Variants in PEAK1 observed in about 807,000 individuals in gnomAD.
The protein encoded by PEAK1 is inactive tyrosine-protein kinase PEAK1.
A neutral mutation model predicts 124.7 loss-of-function variants in PEAK1; 54 were observed. The observed-to-expected ratio is 0.43, with a 90% confidence interval of 0.35 to 0.54. The LOEUF is 0.54. PEAK1 is among the 20% of genes least tolerant of loss of function. PEAK1 has a pLI of 0.01. For synonymous variants in PEAK1, 719 were observed against 760.0 expected, an observed-to-expected ratio of 0.95 and a Z score of 0.89; for missense variants, 2,046 against 2,134.5, an observed-to-expected ratio of 0.96 and a Z score of 0.82.
Position 77,182,020 on chromosome 15 carries a change from G to A in PEAK1, c.-94C>T, listed in dbSNP as rs912193296. The stretch of plus-strand genomic sequence containing the variant: ...TTCACTTCCCCTATGTGTTACAGCA[G>A]CTCTTCTAAGAATGATCAATCTGTG... On this transcript the variant is annotated 5_prime_UTR_variant, in exon 7 of 10. Coordinates refer to ENST00000682557, the MANE Select transcript of PEAK1 (RefSeq NM_001385026.1). The A allele has an allele frequency of 1.4e-6, 2 of 1,479,142 alleles. No homozygotes were observed. The highest frequency in any genetic ancestry group is 8.9e-7 in the Non-Finnish European group (1 of 1,121,458). 91.6% of individuals were successfully genotyped at this position (1,479,142 alleles called of 1,614,324 possible). A position where few individuals can be genotyped will look rare whatever the true frequency, so the allele number is the denominator to read the frequency against.
intron 6 of PEAK1, among the ~76,000 whole-genome samples, chr15:77,189,715 C>A (rs1182136160): frequency 6.6e-6 from 1 of 152,168 alleles, no homozygotes; most frequent in Non-Finnish European, 1.5e-5. Flanking sequence ...AAGTCAGGAA[C>A]CACTCTGATT....
At chr15:77,252,595 T>C in intron 5 of PEAK1, 69 bp from the exon 6 acceptor site, 1 of 831,374 alleles carries the variant, frequency 1.2e-6, no homozygotes, top group Non-Finnish European at 1.5e-6. Context: ...ACATCTTTTC[T>C]TAGATATTCC....
chr15:77,264,951 C>T (rs1207597712), intron 5 of PEAK1, among the ~76,000 whole-genome samples: 2 of 152,156 alleles, frequency 1.3e-5, no homozygotes, highest in East Asian at 1.9e-4. Flanking sequence ...AATAACACTG[C>T]ATATCTGCAA....
intron 2 of PEAK1, chr15:77,347,299 TAGTA>T: frequency 1.0e-6 from 1 of 984,918 alleles, no homozygotes; most frequent in Non-Finnish European, 1.2e-6. Flanking sequence ...ACTTTTGGAC[TAGTA>T]ATGACCACCA....
rs113818752 is a variant in PEAK1, at chr15:77,267,298, T to G, written c.-274-14772A>C. Among the ~76,000 whole-genome samples the G allele has an allele frequency of 8.5e-3, 1,301 of 152,212 alleles. 20 individuals carry two copies. Among genetic ancestry groups the G allele is most frequent in the African/African-American group, 0.03 (1,243 of 41,534 alleles). ...CCTGCTGGTAGCTGAAGACGAAGGA[T>G]ATAGCCTCTTGAGAGGTCTATGGTC... On this transcript the variant is annotated intron_variant, in intron 5 of 9. Transcript: ENST00000682557.
intron 6 of PEAK1, among the ~76,000 whole-genome samples, chr15:77,209,069 T>C (rs1332491857): frequency 6.6e-6 from 1 of 152,188 alleles, no homozygotes; most frequent in Non-Finnish European, 1.5e-5. Context: ...ATTCAACTAC[T>C]TACTGGCATA....
rs79762405 is a variant in PEAK1 at position 77,216,101 on chromosome 15, A to G, written c.-114-34061T>C. On this transcript the variant is annotated intron_variant, in intron 6 of 9. Transcript: ENST00000682557. ...CAAAATACCTGTTGCAATTCTGATT[A>G]AAACTGCAGTAAATTTATGTCTATT... is the stretch of plus-strand genomic sequence containing the variant. 7.3e-3 allele frequency among the ~76,000 whole-genome samples: 1,108 copies of G among 152,300 alleles called. 15 individuals are homozygous for G. The highest frequency in any genetic ancestry group is 0.025 in the African/African-American group (1,052 of 41,550).
intron 2 of PEAK1, among the ~76,000 whole-genome samples, chr15:77,303,434 A>G (rs1463202693): frequency 6.6e-6 from 1 of 152,130 alleles, no homozygotes; most frequent in African/African-American, 2.4e-5. Flanking sequence ...CAGTGTTTTG[A>G]ATTTCAGCCA....
intron 9 of PEAK1, among the ~76,000 whole-genome samples, chr15:77,119,047 G>GGTGGAATTTACTTATAAA (rs757232136): frequency 6.6e-6 from 1 of 150,912 alleles, no homozygotes; most frequent in Admixed American, 6.6e-5. Flanking sequence ...ACAAAACCAG[G>GGTGGAATTTACTTATAAA]CTGCTGAAGG....
intron 2 of PEAK1, among the ~76,000 whole-genome samples, chr15:77,344,915 A>T (rs1008570810): frequency 1.3e-5 from 2 of 152,208 alleles, no homozygotes; most frequent in Non-Finnish European, 2.9e-5. Flanking sequence ...AACTTCGCTG[A>T]ATTGTTTTAA....
chr15:77,120,671 T>G (rs2051831411), intron 9 of PEAK1, among the ~76,000 whole-genome samples: 1 of 152,218 alleles, frequency 6.6e-6, no homozygotes, highest in Non-Finnish European at 1.5e-5. Context: ...CTCGAATACA[T>G]CTTCCACATG....
intron 7 of PEAK1, 31 bp from the exon 8 acceptor site, chr15:77,158,727 G>C (rs146445487): frequency 1.3e-6 from 2 of 1,596,490 alleles, no homozygotes; most frequent in East Asian, 2.3e-5. Flanking sequence ...TGTCACACTG[G>C]TATTGGAAGG....
chr15:77,227,950 C>T (rs1362602897), intron 6 of PEAK1, among the ~76,000 whole-genome samples: 1 of 151,938 alleles, frequency 6.6e-6, no homozygotes, highest in Non-Finnish European at 1.5e-5. Context: ...GAGGTATGAT[C>T]ACATCACTGC....
chr15:77,351,802 A>G (rs2067226583), intron 2 of PEAK1: 5 of 985,438 alleles, frequency 5.1e-6, no homozygotes, highest in Non-Finnish European at 6.0e-6. Flanking sequence ...GGAGCACTGA[A>G]AAGTTTTGAA....
chr15:77,330,552 A>G (rs1457790672), intron 2 of PEAK1, among the ~76,000 whole-genome samples: 1 of 152,096 alleles, frequency 6.6e-6, no homozygotes, highest in African/African-American at 2.4e-5. Context: ...TGTTTCCCAT[A>G]CATTCTCCTC....
chr15:77,114,829 A>G lies in PEAK1; in HGVS notation c.4568T>C (p.Leu1523Pro). ...CCCCCCAGGCTGGTAGTGGACAAGT[A>G]GCAGGTTCTCTAGGCGTAGATCGCA... ...THCDLRLENLLLVHYQPGGTA... is the reference protein window; with the variant it reads ...THCDLRLENLPLVHYQPGGTA... The change falls in exon 10 of 10, where the codon CTA (leucine) becomes CCA (proline). Residue 1523 changes from leucine (L) to proline (P), a missense_variant. Coordinates refer to ENST00000682557, the MANE Select transcript of PEAK1 (RefSeq NM_001385026.1). The G allele has an allele frequency of 6.2e-7, 1 of 1,613,598 alleles. No homozygotes were observed. Among genetic ancestry groups the G allele is most frequent in the Non-Finnish European group, 8.5e-7 (1 of 1,179,978 alleles).
chr15:77,309,916 A>C (rs1377653955), intron 2 of PEAK1, among the ~76,000 whole-genome samples: 1 of 152,220 alleles, frequency 6.6e-6, no homozygotes, highest in East Asian at 1.9e-4. Context: ...ATGACATATG[A>C]GGAACTGTGG....
Position 77,220,236 on chromosome 15 carries a change from G to A in PEAK1, c.-115+32131C>T, listed in dbSNP as rs541375088. On this transcript the variant is annotated intron_variant, in intron 6 of 9. Coordinates refer to ENST00000682557, the MANE Select transcript of PEAK1 (RefSeq NM_001385026.1). The stretch of plus-strand genomic sequence containing the variant: ...GATGCAGTCTTGGTAAAATTATTTG[G>A]TTTTAGAGAGTTGATTAACAAAAAT... Among the ~76,000 whole-genome samples the A allele has an allele frequency of 1.1e-4, 16 of 152,064 alleles. No homozygotes were observed. The East Asian group carries it at 1.7e-3, about 17-fold the overall frequency.
intron 2 of PEAK1, among the ~76,000 whole-genome samples, chr15:77,318,791 C>T (rs1321884827): frequency 6.6e-6 from 1 of 152,118 alleles, no homozygotes; most frequent in Non-Finnish European, 1.5e-5. Context: ...CTCTCCCCAG[C>T]TTGCAATCAT....
Sources: gnomAD v4.1 joint callset for allele counts (sites outside exome capture counted in the v4.1 genomes callset) on GRCh38, gnomAD v4.1.1 for gene constraint, MANE v1.5 for transcripts, NCBI Gene and HGNC (gene_info 2026-07-23, HGNC 2026-07-21) for gene names.